DOCK8: variants seen among roughly 807,000 people sequenced by gnomAD.
DOCK8 encodes dedicator of cytokinesis 8, also known as dedicator of cytokinesis protein 8.
Under a neutral mutation model 245.6 loss-of-function variants are expected in DOCK8, and 141 were observed. The ratio of observed to expected loss-of-function variants is 0.57; its 90% confidence interval spans 0.50 to 0.66. The LOEUF (loss-of-function observed/expected upper bound fraction) is 0.66. DOCK8 is among the 30% of genes least tolerant of loss of function. DOCK8 has a pLI of 0.00. For synonymous variants in DOCK8, 1,168 were observed against 970.2 expected, an observed-to-expected ratio of 1.20 and a Z score of -3.79; for missense variants, 2,965 against 2,603.4, an observed-to-expected ratio of 1.14 and a Z score of -3.02.
intron 45 of DOCK8, among the ~76,000 whole-genome samples, chr9:451,180 C>T (rs1340102520): frequency 6.6e-6 from 1 of 151,694 alleles, no homozygotes; most frequent in African/African-American, 2.4e-5. Context: ...AGTGTGGTGG[C>T]AGGCGCTTGT....
intron 43 of DOCK8, among the ~76,000 whole-genome samples, chr9:445,679 G>C (rs1221555345): frequency 6.6e-6 from 1 of 152,166 alleles, no homozygotes; most frequent in Non-Finnish European, 1.5e-5. Flanking sequence ...ATTCTGTTGT[G>C]TGACTACCTC....
At chr9:340,438 T>C (rs2051528225) in intron 14 of DOCK8, 117 bp downstream of exon 14, 1 of 1,326,592 alleles carries the variant, frequency 7.5e-7, no homozygotes, top group African/African-American at 1.4e-5. Context: ...CTTGGCAACA[T>C]GGCAAAACCG....
At chr9:279,537 T>C (rs1261160476) in intron 2 of DOCK8, among the ~76,000 whole-genome samples, 5 of 152,160 alleles carry the variant, frequency 3.3e-5, no homozygotes, top group Admixed American at 3.3e-4. Flanking sequence ...ATTTGCCTGG[T>C]ACTGAGGATT....
At chr9:343,846 A>G (rs559364390) in intron 14 of DOCK8, among the ~76,000 whole-genome samples, 2 of 152,362 alleles carry the variant, frequency 1.3e-5, no homozygotes, top group South Asian at 2.1e-4. Context: ...GCATCCAATG[A>G]ATTCTGTAGT....
At chr9:237,963 C>G (rs1398443666) in intron 1 of DOCK8, among the ~76,000 whole-genome samples, 2 of 152,126 alleles carry the variant, frequency 1.3e-5, no homozygotes, top group Non-Finnish European at 2.9e-5. Context: ...TTCACTCCCA[C>G]TTGTGGAATA....
chr9:407,647 C>A (rs978621311), intron 28 of DOCK8, among the ~76,000 whole-genome samples: 1 of 152,170 alleles, frequency 6.6e-6, no homozygotes, highest in Non-Finnish European at 1.5e-5. Context: ...GTAGACCACC[C>A]CCTTCTTTCC....
At chr9:424,440 C>T (rs1185780272) in intron 33 of DOCK8, among the ~76,000 whole-genome samples, 1 of 151,578 alleles carries the variant, frequency 6.6e-6, no homozygotes, top group Admixed American at 6.6e-5. Flanking sequence ...GACAAGGTCT[C>T]ACTCTGTCAC....
At chr9:452,444 C>A in intron 46 of DOCK8, 1 of 177,484 alleles carries the variant, frequency 5.6e-6, no homozygotes, top group Admixed American at 5.9e-5. Flanking sequence ...TGTTGTAAAA[C>A]AAGTATCATC....
chr9:428,397 G>T lies in DOCK8; in HGVS notation c.4374G>T (p.Leu1458=). The T allele has an allele frequency of 6.2e-7, 1 of 1,614,202 alleles. No individual in the cohort carries two copies. Residue 1458 remains leucine, a synonymous_variant, in exon 35 of 48, where the codon CTG becomes CTT. Coordinates refer to ENST00000432829, the MANE Select transcript of DOCK8 (RefSeq NM_203447.4). ...SSALDCKDSL[L]GGVLRVLVNS... ...CTCTGGACTGTAAAGACAGCCTGCT[G>T]GGAGGTGTTCTGAGGGTGCTGGTGA...
At chr9:441,523 A>G (rs759652996) in intron 41 of DOCK8, 106 bp downstream of exon 41, 66 of 1,549,600 alleles carry the variant, frequency 4.3e-5, no homozygotes, top group Middle Eastern at 2.2e-4. Context: ...TATCTTTAGC[A>G]CATTGCTTTT....
At chr9:401,167 A>T (rs967502010) in intron 26 of DOCK8, among the ~76,000 whole-genome samples, 3 of 151,382 alleles carry the variant, frequency 2.0e-5, no homozygotes, top group African/African-American at 7.4e-5. Flanking sequence ...AGTTTTTCCA[A>T]TTTTATGGGT....
chr9:233,271 A>T (rs377288881), intron 1 of DOCK8, among the ~76,000 whole-genome samples: 1 of 152,034 alleles, frequency 6.6e-6, no homozygotes, highest in South Asian at 2.1e-4. Flanking sequence ...ACAGTTTGTT[A>T]TAATTTCTGT....
At chr9:421,125 C>G in intron 32 of DOCK8, 47 bp downstream of exon 32, 2 of 1,612,382 alleles carry the variant, frequency 1.2e-6, no homozygotes, top group Non-Finnish European at 1.7e-6. Context: ...CAGTTTTTCA[C>G]TGTTTGTGGG....
intron 5 of DOCK8, among the ~76,000 whole-genome samples, chr9:305,091 C>G (rs545473662): frequency 6.6e-6 from 1 of 152,244 alleles, no homozygotes; most frequent in African/African-American, 2.4e-5. Context: ...TACTAACTCT[C>G]TAACTTCAAG....
chr9:364,642 A>G (rs1447094956), intron 14 of DOCK8, among the ~76,000 whole-genome samples: 1 of 73,762 alleles, frequency 1.4e-5, no homozygotes, highest in African/African-American at 5.2e-5. Context: ...TCAAAAATTG[A>G]AAAAAAAAAA....
chr9:251,895 G>C (rs962037819), intron 1 of DOCK8, among the ~76,000 whole-genome samples: 1 of 152,042 alleles, frequency 6.6e-6, no homozygotes, highest in South Asian at 2.1e-4. Flanking sequence ...TTATTTTAAG[G>C]GTACACCAAA....
In DOCK8 at chr9:458,839, A is replaced by AG. The variant is rs557884294; in HGVS notation, c.6069-4671dup. ...AAATAGAGGGGGTACCAAGAGATGC[A>AG]GGGGGGGTGAGGGCAGCATGACTAC... On this transcript the variant is annotated intron_variant, in intron 46 of 47. Transcript: ENST00000432829. Among the ~76,000 whole-genome samples the AG allele has an allele frequency of 2.8e-4, 43 of 152,166 alleles. No individual in the cohort carries two copies. The South Asian group carries it at 6.4e-3, about 23-fold the overall frequency.
rs1432928897 is a variant in DOCK8 at position 414,807 on chromosome 9, G to A, written c.3556G>A (p.Val1186Ile). The A allele has an allele frequency of 1.9e-5, 31 of 1,614,092 alleles. No individual in the cohort carries two copies. Among genetic ancestry groups the A allele is most frequent in the Non-Finnish European group, 2.6e-5 (31 of 1,180,042 alleles). Residue 1186 changes from valine to isoleucine, a missense_variant, in exon 29 of 48, where the codon GTC becomes ATC. Coordinates refer to ENST00000432829, the MANE Select transcript of DOCK8 (RefSeq NM_203447.4). ...AATCAGCAAAGTACAAAGGAAAGCT[G>A]TCAGTGCAATTCACAGCCTGCTAAG... is the stretch of plus-strand genomic sequence containing the variant. ...EGISKVQRKA[V>I]SAIHSLLSSH...
At chr9:410,045 T>C (rs1033897129) in intron 28 of DOCK8, among the ~76,000 whole-genome samples, 1 of 152,186 alleles carries the variant, frequency 6.6e-6, no homozygotes, top group Admixed American at 6.5e-5. Flanking sequence ...TGCACACATA[T>C]GTTTATTGCG....
Sources: gnomAD v4.1 joint callset for allele counts (sites outside exome capture counted in the v4.1 genomes callset) on GRCh38, gnomAD v4.1.1 for gene constraint, MANE v1.5 for transcripts, NCBI Gene and HGNC (gene_info 2026-07-23, HGNC 2026-07-21) for gene names.